KIAA0513: variants seen among roughly 807,000 people sequenced by gnomAD.
The protein encoded by KIAA0513 is uncharacterized protein KIAA0513.
A neutral mutation model predicts 56.5 loss-of-function variants in KIAA0513; 39 were observed. The observed-to-expected ratio is 0.69, with a 90% CI of 0.53 to 0.90. The LOEUF is 0.90. Ranked by LOEUF, KIAA0513 falls within the 40% of genes least tolerant of loss-of-function variation. The pLI is 0.00. For missense variants in KIAA0513, 591 were observed against 535.2 expected (o/e 1.10, Z -1.03); for synonymous variants, 268 against 215.6 (o/e 1.24, Z -2.13).
At chr16:85,070,349 C>T (rs977899781) in intron 2 of KIAA0513, among the ~76,000 whole-genome samples, 64 of 151,958 alleles carry the variant, frequency 4.2e-4, no homozygotes, top group African/African-American at 1.5e-3. Flanking sequence ...GAAAAGAGAA[C>T]CGTTATATGA....
At chr16:85,079,076 T>C in intron 8 of KIAA0513, 73 bp downstream of exon 8, 1 of 1,611,048 alleles carries the variant, frequency 6.2e-7, no homozygotes, top group Middle Eastern at 1.7e-4. Context: ...GGATCACTTC[T>C]AGCTGCCTTT....
At chr16:85,078,537 G>T in intron 7 of KIAA0513, 82 bp downstream of exon 7, 1 of 1,372,208 alleles carries the variant, frequency 7.3e-7, no homozygotes, top group South Asian at 1.2e-5. Flanking sequence ...GGCCTCTGGG[G>T]CTTTCCTGCC....
intron 3 of KIAA0513, 108 bp from the exon 4 acceptor site, chr16:85,072,817 C>A (rs2073597708): frequency 9.2e-6 from 10 of 1,092,308 alleles, no homozygotes; most frequent in Non-Finnish European, 1.4e-5. Flanking sequence ...TCCTGGGCCC[C>A]CATCCCAGCT....
chr16:85,046,041 C>T (rs996565814), intron 1 of KIAA0513, among the ~76,000 whole-genome samples: 17 of 152,262 alleles, frequency 1.1e-4, no homozygotes, highest in African/African-American at 2.6e-4. Flanking sequence ...CCCCTGGAAA[C>T]GAGCCAGGAT....
chr16:85,048,910 A>G (rs1166026240), intron 1 of KIAA0513, among the ~76,000 whole-genome samples: 1 of 152,228 alleles, frequency 6.6e-6, no homozygotes, highest in Non-Finnish European at 1.5e-5. Flanking sequence ...GGTTGGCCAC[A>G]GCCCAGAGGG....
intron 2 of KIAA0513, among the ~76,000 whole-genome samples, chr16:85,070,566 T>C (rs59376162): frequency 0.082 from 12,504 of 152,136 alleles, 782 homozygotes; most frequent in East Asian, 0.24. Context: ...TAATCCCTGC[T>C]ACTCGGGAGG....
rs1262605330 is a variant in KIAA0513, at chr16:85,069,176, A to G, written c.329+1776A>G. ...CTCCCGAGTAGCTGGGACTATAGGT[A>G]CACACCACCATGCCCAGCTCATTTT... On this transcript the variant is annotated intron_variant, in intron 2 of 12. Coordinates refer to ENST00000683363, the MANE Select transcript of KIAA0513 (RefSeq NM_001388359.1). 3.3e-5 allele frequency among the ~76,000 whole-genome samples: 5 copies of G among 150,904 alleles called. No homozygotes were observed. In the South Asian group the frequency reaches 8.3e-4, roughly 25 times the overall value.
chr16:85,078,906 A>G lies in KIAA0513; in HGVS notation c.824-19A>G, dbSNP rs1382730542. 1.9e-6 allele frequency: 3 copies of G among 1,613,900 alleles called. No individual in the cohort carries two copies. The highest frequency in any genetic ancestry group is 2.5e-6 in the Non-Finnish European group (3 of 1,179,942). Reference sequence around the variant, plus strand: ...TGCGCAACCAGAGCTGCTTTCAGCCATTCTCTCTCCTCCCACAGTGACCGC... The same window carrying G: ...TGCGCAACCAGAGCTGCTTTCAGCCGTTCTCTCTCCTCCCACAGTGACCGC... On this transcript the variant is annotated intron_variant, in intron 7 of 12. Coordinates refer to ENST00000683363, the MANE Select transcript of KIAA0513 (RefSeq NM_001388359.1).
At position 85,067,092 on chromosome 16, in the gene KIAA0513, C is replaced by A. The variant is rs773535618; in HGVS notation, c.21C>A (p.Pro7=). 1 of 1,592,364 alleles carries A rather than the reference C, an allele frequency of 6.3e-7. No individual in the cohort carries two copies. Among genetic ancestry groups the A allele is most frequent in the Non-Finnish European group, 8.6e-7 (1 of 1,167,636 alleles). The change falls in exon 2 of 13, where the codon CCC becomes CCA. Residue 7 remains proline, a synonymous_variant. Transcript: ENST00000683363. ...GAGCCATGGAGACCCCAGAGGTCCC[C>A]GTGGGCTCGCTAATCGACTTTGGGC... METPEV[P]VGSLIDFGPE... is the part of the protein sequence containing the mutation.
intron 1 of KIAA0513, among the ~76,000 whole-genome samples, chr16:85,049,213 C>T (rs1170284088): frequency 6.6e-6 from 1 of 152,336 alleles, no homozygotes; most frequent in African/African-American, 2.4e-5. Flanking sequence ...GGCTCTTGAG[C>T]AGAAGGCTCA....
At chr16:85,035,136 C>A (rs1056883374) in intron 1 of KIAA0513, among the ~76,000 whole-genome samples, 2 of 152,238 alleles carry the variant, frequency 1.3e-5, no homozygotes, top group Admixed American at 1.3e-4. Flanking sequence ...CCCGGAGCCC[C>A]CAGTTCTCCG....
At chr16:85,087,727 G>T (rs1229886661) in intron 12 of KIAA0513, among the ~76,000 whole-genome samples, 1 of 152,224 alleles carries the variant, frequency 6.6e-6, no homozygotes, top group Non-Finnish European at 1.5e-5. Flanking sequence ...CATCGAAAAG[G>T]ACTTACACTT....
intron 1 of KIAA0513, among the ~76,000 whole-genome samples, chr16:85,045,332 A>AT: frequency 6.6e-6 from 1 of 152,068 alleles, no homozygotes. Flanking sequence ...GAGTCTTTAT[A>AT]TTTGATACTT....
At chr16:85,069,609 G>A (rs983713170) in intron 2 of KIAA0513, among the ~76,000 whole-genome samples, 5 of 151,894 alleles carry the variant, frequency 3.3e-5, no homozygotes, top group African/African-American at 9.7e-5. Context: ...CACACACCCC[G>A]GAGCCATGGG....
rs945835022 is a variant in KIAA0513, at chr16:85,081,508, T to C, written c.980+116T>C. The C allele has an allele frequency of 3.2e-6, 3 of 936,172 alleles. No individual in the cohort carries two copies. The highest frequency in any genetic ancestry group is 5.1e-6 in the Non-Finnish European group (3 of 592,474). The allele number at this position is 936,172 out of a possible 1,614,324, so 58.0% of individuals were successfully genotyped here. A position where few individuals can be genotyped will look rare whatever the true frequency, so the allele number is the denominator to read the frequency against. On this transcript the variant is annotated intron_variant, in intron 9 of 12. Transcript: ENST00000683363. This position sits in a 1 kb window ranked among gnomAD's most constrained non-coding sequence, Gnocchi z 4.4. ...CAGCTGAGTGGACGTGTCTGTTTTTTCTTCACCCCCTCATGGCCCTGGTGC... is the reference window on the plus strand; with the variant it reads ...CAGCTGAGTGGACGTGTCTGTTTTTCCTTCACCCCCTCATGGCCCTGGTGC...
At chr16:85,065,405 A>G (rs2073465545) in intron 1 of KIAA0513, among the ~76,000 whole-genome samples, 1 of 152,178 alleles carries the variant, frequency 6.6e-6, no homozygotes, top group Admixed American at 6.5e-5. Flanking sequence ...CTGGCCTGGA[A>G]AGTTCTACTG....
At chr16:85,077,384 C>G in intron 5 of KIAA0513, 41 bp from the exon 6 acceptor site, 1 of 1,596,472 alleles carries the variant, frequency 6.3e-7, no homozygotes, top group Non-Finnish European at 8.6e-7. Context: ...GGCGCATACC[C>G]CAGCCTCACT....
intron 1 of KIAA0513, among the ~76,000 whole-genome samples, chr16:85,042,928 C>G (rs902021223): frequency 4.6e-5 from 7 of 152,192 alleles, no homozygotes; most frequent in Non-Finnish European, 8.8e-5. Context: ...TCCTTTTATT[C>G]AAATATAAGT....
intron 1 of KIAA0513, among the ~76,000 whole-genome samples, chr16:85,042,470 C>T (rs2073116713): frequency 6.6e-6 from 1 of 152,136 alleles, no homozygotes; most frequent in Non-Finnish European, 1.5e-5. Context: ...TATTGTAAGG[C>T]TGTGGACTCC....
Sources: gnomAD v4.1 joint callset for allele counts (sites outside exome capture counted in the v4.1 genomes callset) on GRCh38, gnomAD v4.1.1 for gene constraint, Gnocchi (gnomAD v3.1) non-coding constraint, MANE v1.5 for transcripts, NCBI Gene and HGNC (gene_info 2026-07-23, HGNC 2026-07-21) for gene names.